CELF2: variants seen among roughly 807,000 people sequenced by gnomAD.
The protein encoded by CELF2 is CUG triplet repeat RNA-binding protein 2.
A neutral mutation model predicts 62.6 loss-of-function variants in CELF2; 8 were observed. The observed-to-expected ratio is 0.13, with a 90% CI of 0.07 to 0.23. CELF2 has a LOEUF of 0.23. Ranked by LOEUF, CELF2 falls within the 10% of genes least tolerant of loss-of-function variation. CELF2 has a pLI of 1.00. For synonymous variants in CELF2, 258 were observed against 250.0 expected, an observed-to-expected ratio of 1.03 and a Z score of -0.30; for missense variants, 333 against 671.0, an observed-to-expected ratio of 0.50 and a Z score of 5.56.
intron 1 of CELF2, among the ~76,000 whole-genome samples, chr10:10,871,588 G>A (rs2060752194): frequency 6.6e-6 from 1 of 152,064 alleles, no homozygotes; most frequent in Non-Finnish European, 1.5e-5. Flanking sequence ...GACCTAGTGG[G>A]AAAAAGAATG....
the CELF2 span, among the ~76,000 whole-genome samples, chr10:10,664,476 A>G: frequency 1.3e-5 from 2 of 152,254 alleles, no homozygotes; most frequent in African/African-American, 4.8e-5. Flanking sequence ...TTGAAACAAT[A>G]TTACAAAGAC....
rs1035338445 is a variant in CELF2 at position 11,331,815 on chromosome 10, C to CCTCTAAGGTGAGAAAGTTTT, written c.*2763_*2782dup. The CCTCTAAGGTGAGAAAGTTTT allele has an allele frequency of 6.6e-6, 1 of 152,580 alleles. No homozygotes were observed. The highest frequency in any genetic ancestry group is 2.4e-5 in the African/African-American group (1 of 41,424). 9.5% of individuals were successfully genotyped at this position (152,580 alleles called of 1,614,324 possible). The stretch of plus-strand genomic sequence containing the variant: ...GTATTTTCTTCATAATCTATGGAAA[C>CCTCTAAGGTGAGAAAGTTTT]CTCTAAGGTGAGAAAGTTTTGAACT... On this transcript the variant is annotated 3_prime_UTR_variant, in exon 13 of 13. Coordinates refer to ENST00000633077, the MANE Select transcript of CELF2 (RefSeq NM_001326342.2).
intron 2 of CELF2, among the ~76,000 whole-genome samples, chr10:11,170,436 G>A (rs1443365129): frequency 1.3e-5 from 2 of 152,210 alleles, no homozygotes; most frequent in Non-Finnish European, 2.9e-5. Flanking sequence ...TAAAACTGTT[G>A]AAGAGCAGGG....
chr10:11,301,090 A>C (rs2093671936), intron 9 of CELF2, among the ~76,000 whole-genome samples: 1 of 152,228 alleles, frequency 6.6e-6, no homozygotes, highest in Non-Finnish European at 1.5e-5. Context: ...CATGCCCTGC[A>C]GATACACTGA....
intron 2 of CELF2, among the ~76,000 whole-genome samples, chr10:10,976,192 G>A (rs1356354721): frequency 6.6e-6 from 1 of 152,202 alleles, no homozygotes; most frequent in Non-Finnish European, 1.5e-5. Context: ...TCCAGACACT[G>A]TTTTGGTCAG....
At chr10:11,102,050 G>T (rs903794901) in intron 1 of CELF2, 5 of 152,132 alleles carry the variant, frequency 3.3e-5, no homozygotes, top group African/African-American at 1.2e-4. Context: ...AATTGTCATG[G>T]TAGAGCTCTT....
intron 1 of CELF2, among the ~76,000 whole-genome samples, chr10:11,106,347 C>T (rs2053493855): frequency 6.6e-6 from 1 of 152,134 alleles, no homozygotes; most frequent in Non-Finnish European, 1.5e-5. Context: ...AGCCATTCTC[C>T]TGCCTCAGCC....
At position 11,034,456 on chromosome 10, in the gene CELF2, A is replaced by AT. The variant is rs199562787; in HGVS notation, c.74+16301dup. Among the ~76,000 whole-genome samples the AT allele has an allele frequency of 1.2e-3, 187 of 150,312 alleles. 1 individual carries two copies. The highest frequency in any genetic ancestry group is 3.8e-3 in the South Asian group (18 of 4,694). ...ACACTGGAAGAAACTGTTAATTTTT[A>AT]TTTTTTTTGCTGTGTCTAGATCCCT... On this transcript the variant is annotated intron_variant, in intron 1 of 12. Transcript: ENST00000633077.
intron 1 of CELF2, among the ~76,000 whole-genome samples, chr10:11,090,150 C>T (rs1171677367): frequency 6.6e-6 from 1 of 151,286 alleles, no homozygotes; most frequent in Non-Finnish European, 1.5e-5. Context: ...GGTTACAAAC[C>T]TGCACATGTA....
At chr10:10,974,747 C>A (rs746475345) in intron 2 of CELF2, among the ~76,000 whole-genome samples, 2 of 152,146 alleles carry the variant, frequency 1.3e-5, no homozygotes, top group Non-Finnish European at 2.9e-5. Context: ...ACTATGGTAT[C>A]GAAATTAAGT....
intron 1 of CELF2, among the ~76,000 whole-genome samples, chr10:11,115,774 A>C (rs2056427612): frequency 6.6e-6 from 1 of 152,264 alleles, no homozygotes; most frequent in Admixed American, 6.5e-5. Flanking sequence ...CAAGTTACTC[A>C]TCACCACTGC....
intron 1 of CELF2, among the ~76,000 whole-genome samples, chr10:10,909,736 C>G (rs1412119047): frequency 1.3e-5 from 2 of 152,238 alleles, no homozygotes; most frequent in African/African-American, 2.4e-5. Flanking sequence ...CTGCCCTCCC[C>G]AAAAGGGAAT....
At chr10:10,640,294 C>T in the CELF2 span, among the ~76,000 whole-genome samples, 1 of 152,200 alleles carries the variant, frequency 6.6e-6, no homozygotes, top group Admixed American at 6.5e-5. Context: ...TTTTGCAATG[C>T]TGTGAAAACA....
chr10:10,554,042 T>C, the CELF2 span, among the ~76,000 whole-genome samples: 5 of 151,974 alleles, frequency 3.3e-5, 1 homozygote, highest in African/African-American at 1.2e-4. Context: ...TAGAAGCAGA[T>C]GGAAAACTGG....
chr10:11,295,011 A>G (rs2092992158), intron 9 of CELF2, among the ~76,000 whole-genome samples: 1 of 152,258 alleles, frequency 6.6e-6, no homozygotes, highest in Non-Finnish European at 1.5e-5. Flanking sequence ...TTGCTGCAGT[A>G]GAAAGAGCAC....
At chr10:11,041,631 C>T (rs2061869708) in intron 1 of CELF2, among the ~76,000 whole-genome samples, 1 of 152,228 alleles carries the variant, frequency 6.6e-6, no homozygotes, top group South Asian at 2.1e-4. Flanking sequence ...TTCGTAGTTT[C>T]TGATGAGTCA....
chr10:10,900,105 G>C (rs886497993), intron 1 of CELF2, among the ~76,000 whole-genome samples: 4 of 151,968 alleles, frequency 2.6e-5, no homozygotes, highest in African/African-American at 9.7e-5. Context: ...TCTCACAAAG[G>C]AAACTACAAA....
chr10:11,315,081 G>A lies in CELF2; in HGVS notation c.1096+823G>A, dbSNP rs2140604768. On this transcript the variant is annotated intron_variant, in intron 10 of 12. Coordinates refer to ENST00000633077, the MANE Select transcript of CELF2 (RefSeq NM_001326342.2). The surrounding 1 kb of genome is among the most constrained non-coding windows in gnomAD (Gnocchi z 5.8). ...GTCATTCTCGGTTGATGGGGGAGCAGTGTGCCGGCCAGAGGATAAGTCGTG... is the reference window on the plus strand; with the variant it reads ...GTCATTCTCGGTTGATGGGGGAGCAATGTGCCGGCCAGAGGATAAGTCGTG... Among the ~76,000 whole-genome samples the A allele has an allele frequency of 6.6e-6, 1 of 152,352 alleles. No homozygotes were observed. The highest frequency in any genetic ancestry group is 1.5e-5 in the Non-Finnish European group (1 of 68,032).
the CELF2 span, among the ~76,000 whole-genome samples, chr10:10,573,794 A>G: frequency 4.2e-5 from 6 of 143,266 alleles, no homozygotes; most frequent in East Asian, 1.2e-3. Context: ...TAGTCAATCA[A>G]AAATATTCAT....
Sources: gnomAD v4.1 joint callset for allele counts (sites outside exome capture counted in the v4.1 genomes callset) on GRCh38, gnomAD v4.1.1 for gene constraint, Gnocchi (gnomAD v3.1) non-coding constraint, MANE v1.5 for transcripts, NCBI Gene and HGNC (gene_info 2026-07-23, HGNC 2026-07-21) for gene names.